Variants in DIS3L2 observed in about 807,000 individuals in gnomAD.
The protein encoded by DIS3L2 is DIS3 like 3'-5' exoribonuclease 2, also known as DIS3-like exonuclease 2.
Under a neutral mutation model 97.5 loss-of-function variants are expected in DIS3L2, and 34 were observed. The observed-to-expected ratio is 0.35, with a 90% CI of 0.27 to 0.46. DIS3L2 has a LOEUF of 0.46. Ranked by LOEUF, DIS3L2 falls within the 20% of genes least tolerant of loss-of-function variation. DIS3L2 has a pLI of 1.00. For synonymous variants in DIS3L2, 435 were observed against 445.2 expected, an observed-to-expected ratio of 0.98 and a Z score of 0.29; for missense variants, 1,038 against 1,146.0, an observed-to-expected ratio of 0.91 and a Z score of 1.36.
intron 20 of DIS3L2, chr2:232,336,217 G>A (rs1695940639): frequency 3.3e-6 from 5 of 1,537,766 alleles, no homozygotes; most frequent in Non-Finnish European, 4.4e-6. Context: ...CCAACAGTGT[G>A]CCCTGAACGC....
intron 8 of DIS3L2, among the ~76,000 whole-genome samples, chr2:232,149,027 T>C (rs1178798553): frequency 6.7e-6 from 1 of 149,072 alleles, no homozygotes; most frequent in Non-Finnish European, 1.5e-5. Context: ...GCTGTAGAAA[T>C]AGGCACTGTC....
chr2:232,336,648 C>CCCCGCCTGCCCCGCCTGCCTGT lies in DIS3L2; in HGVS notation c.*25_*46dup. On this transcript the variant is annotated 3_prime_UTR_variant, in exon 21 of 21. Transcript: ENST00000325385. ...CCAGCTGAGCTCCACCAGCCGCCTG[C>CCCCGCCTGCCCCGCCTGCCTGT]CCCGCCTGCCCCGCCTGCCTGTCCC... 1 of 1,503,732 alleles carries CCCCGCCTGCCCCGCCTGCCTGT rather than the reference C, an allele frequency of 6.7e-7. No homozygotes were observed. 93.1% of individuals were successfully genotyped at this position (1,503,732 alleles called of 1,614,324 possible). A position where few individuals can be genotyped will look rare whatever the true frequency, so the allele number is the denominator to read the frequency against.
In DIS3L2 at chr2:232,204,207, C is replaced by T. The variant is rs527256272; in HGVS notation, c.1125-6119C>T. 4.2e-4 allele frequency among the ~76,000 whole-genome samples: 64 copies of T among 152,078 alleles called. 1 individual carries two copies. The South Asian group carries it at 6.5e-3, about 15-fold the overall frequency. ...AAGTGGTGAGTAAATGTTGCTGTGG[C>T]GACTAGACAGCTTCTTCCAGCTTAA... is the stretch of plus-strand genomic sequence containing the variant. On this transcript the variant is annotated intron_variant, in intron 9 of 20. Coordinates refer to ENST00000325385, the MANE Select transcript of DIS3L2 (RefSeq NM_152383.5).
At chr2:232,071,033 C>A (rs1696001967) in intron 5 of DIS3L2, among the ~76,000 whole-genome samples, 1 of 152,178 alleles carries the variant, frequency 6.6e-6, no homozygotes, top group African/African-American at 2.4e-5. Flanking sequence ...TCTTCTCCTG[C>A]AGTCCAAGCC....
chr2:232,022,470 G>A (rs1250341698), intron 3 of DIS3L2, among the ~76,000 whole-genome samples: 1 of 152,090 alleles, frequency 6.6e-6, no homozygotes, highest in Non-Finnish European at 1.5e-5. Context: ...GCCTGTCTGA[G>A]TGCCCTGCAA....
chr2:232,172,707 T>G lies in DIS3L2; in HGVS notation c.1124+9075T>G, dbSNP rs756395106. ...TACTTTTAGAGTAATTGTGAAACTG[T>G]TTTTCAAAGTAGCTGTACCATTTGC... On this transcript the variant is annotated intron_variant, in intron 9 of 20. Coordinates refer to ENST00000325385, the MANE Select transcript of DIS3L2 (RefSeq NM_152383.5). 20 of 534,498 alleles carry G rather than the reference T, an allele frequency of 3.7e-5. No individual in the cohort carries two copies. In the Admixed American group the frequency reaches 3.9e-4, roughly 10 times the overall value. 33.1% of individuals were successfully genotyped at this position (534,498 alleles called of 1,614,324 possible).
intron 6 of DIS3L2, among the ~76,000 whole-genome samples, chr2:232,101,239 T>C (rs1574876052): frequency 1.3e-5 from 2 of 151,620 alleles, no homozygotes; most frequent in South Asian, 2.1e-4. Context: ...AAAAAAGATA[T>C]ACCTTCCATT....
At chr2:232,205,260 G>A (rs771628437) in intron 9 of DIS3L2, among the ~76,000 whole-genome samples, 4 of 147,086 alleles carry the variant, frequency 2.7e-5, no homozygotes, top group Non-Finnish European at 4.5e-5. Context: ...ATTTTTTGTT[G>A]TTGTTTGTTT....
intron 5 of DIS3L2, among the ~76,000 whole-genome samples, chr2:232,046,551 G>A (rs1195295869): frequency 1.3e-5 from 2 of 152,146 alleles, no homozygotes; most frequent in African/African-American, 4.8e-5. Flanking sequence ...GAGAGTCATG[G>A]GTGCAGTGTA....
chr2:232,028,023 G>A (rs973532459), intron 4 of DIS3L2, among the ~76,000 whole-genome samples: 4 of 152,024 alleles, frequency 2.6e-5, no homozygotes, highest in Admixed American at 6.6e-5. Context: ...TTAATGCATC[G>A]TGTCATAGGA....
intron 4 of DIS3L2, among the ~76,000 whole-genome samples, chr2:232,025,600 A>G (rs1194290766): frequency 1.3e-5 from 2 of 152,182 alleles, no homozygotes; most frequent in Non-Finnish European, 2.9e-5. Flanking sequence ...TTGAGTTGTA[A>G]AATTGGGTTG....
chr2:232,210,381 C>G lies in DIS3L2; in HGVS notation c.1180C>G (p.Leu394Val), dbSNP rs1692154373. ...AACCGCCCGAGACCTCGATGATGCCCTCTCCTGCAAGCCACTCGCTGACGG... is the reference window on the plus strand; with the variant it reads ...AACCGCCCGAGACCTCGATGATGCCGTCTCCTGCAAGCCACTCGCTGACGG... ...PSTARDLDDA[L>V]SCKPLADGNF... The change falls in exon 10 of 21, where the codon CTC becomes GTC. Residue 394 changes from leucine to valine, a missense_variant. By Grantham distance (32) the Leu-to-Val change is conservative. Around this residue, in one of 3 missense-constraint regions of DIS3L2, gnomAD observed 813 missense variants for 880.1 expected, o/e 0.92. Coordinates refer to ENST00000325385, the MANE Select transcript of DIS3L2 (RefSeq NM_152383.5). 1 of 1,613,634 alleles carries G rather than the reference C, an allele frequency of 6.2e-7. No individual in the cohort carries two copies. The highest frequency in any genetic ancestry group is 1.3e-5 in the African/African-American group (1 of 75,056).
At chr2:232,242,767 C>G (rs534142624) in intron 11 of DIS3L2, among the ~76,000 whole-genome samples, 2 of 152,344 alleles carry the variant, frequency 1.3e-5, no homozygotes, top group Non-Finnish European at 2.9e-5. Context: ...GTCCTATCAT[C>G]ACTATCCCTT....
At chr2:232,043,258 T>C (rs1170418575) in intron 5 of DIS3L2, among the ~76,000 whole-genome samples, 3 of 152,104 alleles carry the variant, frequency 2.0e-5, no homozygotes, top group Non-Finnish European at 4.4e-5. Context: ...TCCCTTTCTC[T>C]GTGGCAGAAG....
At chr2:232,329,785 T>TGCCCGGGGGGGCCCCCC in intron 14 of DIS3L2, 28 bp from the exon 15 acceptor site, 37 of 967,070 alleles carry the variant, frequency 3.8e-5, no homozygotes, top group Middle Eastern at 3.5e-4. Context: ...ACCCCAGCGG[T>TGCCCGGGGGGGCCCCCC]CCCTCCCATC....
At chr2:232,207,325 A>G (rs1692054372) in intron 9 of DIS3L2, among the ~76,000 whole-genome samples, 1 of 152,202 alleles carries the variant, frequency 6.6e-6, no homozygotes, top group Non-Finnish European at 1.5e-5. Flanking sequence ...CTCATCAATT[A>G]CAGCCCATTG....
At chr2:232,248,538 A>T (rs1693328684) in intron 11 of DIS3L2, among the ~76,000 whole-genome samples, 1 of 152,242 alleles carries the variant, frequency 6.6e-6, no homozygotes. Flanking sequence ...GCAAGTCATC[A>T]TTTGAAAGTA....
intron 10 of DIS3L2, among the ~76,000 whole-genome samples, chr2:232,236,893 A>G (rs866332828): frequency 1.3e-5 from 2 of 152,166 alleles, no homozygotes; most frequent in Non-Finnish European, 1.5e-5. Flanking sequence ...CTGGGACTAC[A>G]GGTGTGTGCC....
At chr2:232,197,433 A>G (rs1173302217) in intron 9 of DIS3L2, among the ~76,000 whole-genome samples, 2 of 152,158 alleles carry the variant, frequency 1.3e-5, no homozygotes, top group Non-Finnish European at 2.9e-5. Flanking sequence ...TTTCCTAAGG[A>G]AAGTACTTGG....
Sources: allele counts gnomAD v4.1 joint callset (sites outside exome capture counted in the v4.1 genomes callset), GRCh38; gene constraint gnomAD v4.1.1; regional missense constraint gnomAD v4.1.1; transcripts MANE v1.5; gene names NCBI Gene and HGNC (gene_info 2026-07-23, HGNC 2026-07-21).